The following MDGA2 variants were observed in gnomAD, a reference collection of about 807,000 sequenced individuals.
MDGA2 encodes MAM domain-containing glycosylphosphatidylinositol anchor protein 2.
MDGA2 carries 40 observed loss-of-function variants against 117.8 expected under a neutral mutation model. The ratio of observed to expected loss-of-function variants is 0.34; its 90% CI spans 0.26 to 0.44. MDGA2 has a LOEUF of 0.44. Among genes scored for constraint, MDGA2 ranks in the 20% least tolerant of loss-of-function variants. MDGA2 has a pLI of 1.00. For missense variants in MDGA2, 1,123 were observed against 1,250.6 expected (o/e 0.90, Z 1.54); for synonymous variants, 452 against 439.0 (o/e 1.03, Z -0.37).
chr14:47,367,386 A>C (rs1891253875), intron 1 of MDGA2, among the ~76,000 whole-genome samples: 1 of 152,190 alleles, frequency 6.6e-6, no homozygotes, highest in Admixed American at 6.5e-5. Context: ...CATGTAACCA[A>C]AATGCTCAAA....
At chr14:47,070,160 T>C (rs1429930367) in intron 6 of MDGA2, among the ~76,000 whole-genome samples, 3 of 152,184 alleles carry the variant, frequency 2.0e-5, no homozygotes, top group Non-Finnish European at 4.4e-5. Flanking sequence ...TACTAGGTCA[T>C]ATTCGTCCTT....
At chr14:47,196,177 C>T (rs1566675694) in intron 3 of MDGA2, among the ~76,000 whole-genome samples, 1 of 151,994 alleles carries the variant, frequency 6.6e-6, no homozygotes, top group Non-Finnish European at 1.5e-5. Flanking sequence ...AACTAGAATA[C>T]CTTAAAATAA....
intron 14 of MDGA2, chr14:46,871,229 T>C (rs1881984321): frequency 6.6e-6 from 1 of 152,008 alleles, no homozygotes; most frequent in Admixed American, 6.6e-5. Flanking sequence ...TATTTTTATG[T>C]TTATTTTCCT....
At chr14:47,289,206 T>A (rs12434795) in intron 2 of MDGA2, among the ~76,000 whole-genome samples, 13,823 of 151,602 alleles carry the variant, frequency 0.091, 783 homozygotes, top group Non-Finnish European at 0.11. Context: ...TAAATTGTGT[T>A]CAATAGGACC....
At chr14:47,259,229 G>T (rs562650850) in intron 2 of MDGA2, among the ~76,000 whole-genome samples, 1 of 151,906 alleles carries the variant, frequency 6.6e-6, no homozygotes, top group Non-Finnish European at 1.5e-5. Flanking sequence ...TAATGGGTGG[G>T]GGAGGAGAAC....
intron 7 of MDGA2, among the ~76,000 whole-genome samples, chr14:47,041,679 A>G (rs952171164): frequency 1.2e-4 from 18 of 152,084 alleles, no homozygotes; most frequent in Non-Finnish European, 2.2e-4. Context: ...CTTTTCTGTC[A>G]ACTTTTCCAC....
intron 1 of MDGA2, among the ~76,000 whole-genome samples, chr14:47,588,328 A>G (rs1207516336): frequency 6.6e-6 from 1 of 150,466 alleles, no homozygotes; most frequent in African/African-American, 2.4e-5. Flanking sequence ...TAACATTTTG[A>G]AAAACCACTG....
chr14:46,862,177 A>C (rs1211410261), intron 14 of MDGA2, among the ~76,000 whole-genome samples: 2 of 151,840 alleles, frequency 1.3e-5, no homozygotes, highest in East Asian at 3.9e-4. Context: ...GCAGAAGCTA[A>C]GCAAAACTCA....
chr14:47,339,780 G>A (rs535976308), intron 1 of MDGA2, among the ~76,000 whole-genome samples: 2 of 152,186 alleles, frequency 1.3e-5, no homozygotes, highest in South Asian at 2.1e-4. Flanking sequence ...GAGCCTCGGG[G>A]ATTCCTGTAT....
At chr14:47,466,860 T>C (rs1260291954) in intron 1 of MDGA2, among the ~76,000 whole-genome samples, 6 of 152,112 alleles carry the variant, frequency 3.9e-5, no homozygotes, top group African/African-American at 1.4e-4. Flanking sequence ...CATTCATTCA[T>C]TCTGCAGGTA....
intron 3 of MDGA2, among the ~76,000 whole-genome samples, chr14:47,172,366 G>A (rs1052508573): frequency 6.6e-6 from 1 of 151,902 alleles, no homozygotes; most frequent in Non-Finnish European, 1.5e-5. Flanking sequence ...CCTGACCCCT[G>A]ACCCCCGAGA....
intron 1 of MDGA2, among the ~76,000 whole-genome samples, chr14:47,450,017 G>A (rs1893207302): frequency 6.6e-6 from 1 of 151,988 alleles, no homozygotes; most frequent in African/African-American, 2.4e-5. Flanking sequence ...TGTCATAGAA[G>A]TGATACATTT....
chr14:47,408,032 G>A (rs887178591), intron 1 of MDGA2, among the ~76,000 whole-genome samples: 1 of 150,138 alleles, frequency 6.7e-6, no homozygotes, highest in African/African-American at 2.4e-5. Flanking sequence ...TTAATGTTGT[G>A]AGCCTTAAAA....
At chr14:47,612,820 T>A (rs1434310376) in intron 1 of MDGA2, among the ~76,000 whole-genome samples, 1 of 152,188 alleles carries the variant, frequency 6.6e-6, no homozygotes, top group African/African-American at 2.4e-5. Flanking sequence ...ATAAAATTCA[T>A]ATCTATTTTA....
intron 1 of MDGA2, among the ~76,000 whole-genome samples, chr14:47,612,381 C>T (rs1477160525): frequency 1.3e-5 from 2 of 152,052 alleles, no homozygotes; most frequent in Non-Finnish European, 2.9e-5. Flanking sequence ...GGAAAAACTA[C>T]CAATCTAAAA....
intron 2 of MDGA2, among the ~76,000 whole-genome samples, chr14:47,255,523 A>G (rs1293451672): frequency 6.6e-6 from 1 of 152,188 alleles, no homozygotes; most frequent in Non-Finnish European, 1.5e-5. Flanking sequence ...TTCAAAATTT[A>G]TATGCAACTA....
intron 8 of MDGA2, among the ~76,000 whole-genome samples, chr14:46,980,807 T>A (rs138577142): frequency 1.2e-3 from 190 of 152,314 alleles, no homozygotes; most frequent in African/African-American, 4.4e-3. Context: ...TTAGTTCAGC[T>A]ATGTACACTT....
intron 9 of MDGA2, among the ~76,000 whole-genome samples, chr14:46,952,046 T>C (rs112334584): frequency 7.8e-4 from 119 of 152,062 alleles, no homozygotes; most frequent in African/African-American, 2.7e-3. Context: ...TAATGGTGCA[T>C]AGTTTACAGA....
intron 9 of MDGA2, among the ~76,000 whole-genome samples, chr14:46,943,810 G>A (rs1177690322): frequency 1.3e-5 from 2 of 152,066 alleles, no homozygotes; most frequent in Non-Finnish European, 2.9e-5. Context: ...GGGTGAGACA[G>A]TAAATATTCT....
Sources: allele counts gnomAD v4.1 joint callset (sites outside exome capture counted in the v4.1 genomes callset), GRCh38; gene constraint gnomAD v4.1.1; transcripts MANE v1.5; gene names NCBI Gene and HGNC (gene_info 2026-07-23, HGNC 2026-07-21).